Variants in BABAM2 observed in about 807,000 individuals in gnomAD.
BABAM2 encodes BRISC and BRCA1 A complex member 2.
A neutral mutation model predicts 54.7 loss-of-function variants in BABAM2; 31 were observed. The ratio of observed to expected loss-of-function variants is 0.57; its 90% CI spans 0.43 to 0.77. The LOEUF (loss-of-function observed/expected upper bound fraction) is 0.77, where lower values mean the gene tolerates loss of function less well. Ranked by LOEUF, BABAM2 falls within the 30% of genes least tolerant of loss-of-function variation. The pLI is 0.00. For synonymous variants in BABAM2, 167 were observed against 162.9 expected (o/e 1.03, Z -0.19); for missense variants, 364 against 455.8 (o/e 0.80, Z 1.83).
chr2:27,890,754 C>G lies in BABAM2; in HGVS notation c.-113C>G, dbSNP rs1350035145. ...GAGTGCGCACGCATCCTGCCCGCGG[C>G]GCGCGCGCAGGTCGGTGCGTCTGTC... On this transcript the variant is annotated 5_prime_UTR_variant, in exon 1 of 12. Transcript: ENST00000379624. The surrounding 1 kb of genome is among the most constrained non-coding windows in gnomAD (Gnocchi z 4.8). 1 of 152,930 alleles carries G rather than the reference C, an allele frequency of 6.5e-6. No homozygotes were observed. The highest frequency in any genetic ancestry group is 1.5e-5 in the Non-Finnish European group (1 of 68,460). The allele number at this position is 152,930 out of a possible 1,614,324, so 9.5% of individuals were successfully genotyped here.
intron 11 of BABAM2, among the ~76,000 whole-genome samples, chr2:28,335,272 C>T (rs1242176698): frequency 1.3e-5 from 2 of 149,746 alleles, no homozygotes; most frequent in East Asian, 4.0e-4. Context: ...CGGGTTCAAG[C>T]GATTCTCCTG....
intron 2 of BABAM2, among the ~76,000 whole-genome samples, chr2:27,897,719 C>G (rs867553559): frequency 6.6e-6 from 1 of 151,874 alleles, no homozygotes; most frequent in Admixed American, 6.6e-5. Flanking sequence ...ACAGACTTCC[C>G]CAGCTTATAA....
intron 7 of BABAM2, among the ~76,000 whole-genome samples, chr2:28,230,290 G>A (rs1486437155): frequency 1.3e-5 from 2 of 151,946 alleles, no homozygotes; most frequent in African/African-American, 2.4e-5. Flanking sequence ...TCTCCATATT[G>A]AATTACACCC....
At chr2:28,241,706 G>A (rs1682450778) in intron 9 of BABAM2, among the ~76,000 whole-genome samples, 2 of 151,968 alleles carry the variant, frequency 1.3e-5, no homozygotes, top group Admixed American at 1.3e-4. Context: ...TGTTGTCCAG[G>A]CTGGTCTCAA....
intron 5 of BABAM2, among the ~76,000 whole-genome samples, chr2:28,040,110 A>C (rs1676951973): frequency 6.6e-6 from 1 of 152,030 alleles, no homozygotes; most frequent in Non-Finnish European, 1.5e-5. Flanking sequence ...TCAAATATAA[A>C]ACCACATGAA....
At chr2:27,951,720 C>G (rs1006298756) in intron 3 of BABAM2, among the ~76,000 whole-genome samples, 1 of 151,418 alleles carries the variant, frequency 6.6e-6, no homozygotes, top group Non-Finnish European at 1.5e-5. Context: ...TTTATTTTTC[C>G]GTAGGTTATT....
chr2:28,298,659 G>A (rs1253865596), intron 11 of BABAM2, among the ~76,000 whole-genome samples, 168 bp downstream of exon 11: 3 of 152,174 alleles, frequency 2.0e-5, no homozygotes, highest in Non-Finnish European at 2.9e-5. Context: ...ATCTGTGGCC[G>A]CTTTAATGCT....
At chr2:28,061,357 G>T (rs150293561) in intron 6 of BABAM2, among the ~76,000 whole-genome samples, 4,531 of 151,416 alleles carry the variant, frequency 0.03, 102 homozygotes, top group Admixed American at 0.05. Flanking sequence ...AGGCCGAGGC[G>T]GGCAGATCAC....
At chr2:28,186,672 GGAAA>G (rs1363207620) in intron 7 of BABAM2, among the ~76,000 whole-genome samples, 2 of 151,964 alleles carry the variant, frequency 1.3e-5, no homozygotes, top group Non-Finnish European at 2.9e-5. Flanking sequence ...GAAAGGAAAA[GGAAA>G]GAAAGAAGGA....
At chr2:27,955,587 C>T (rs577997257) in intron 3 of BABAM2, among the ~76,000 whole-genome samples, 21 of 152,264 alleles carry the variant, frequency 1.4e-4, no homozygotes, top group African/African-American at 5.1e-4. Context: ...TGGAAGTTTC[C>T]TCCCCATTGC....
chr2:28,201,759 T>C (rs1678295596), intron 7 of BABAM2, among the ~76,000 whole-genome samples: 1 of 152,194 alleles, frequency 6.6e-6, no homozygotes, highest in Non-Finnish European at 1.5e-5. Flanking sequence ...AGAGATTTCT[T>C]AAGTCTTAAG....
chr2:28,338,452 C>T lies in BABAM2; in HGVS notation c.1091C>T (p.Ala364Val). ...TTTCTCCCCTTCTTTCCCACCAGGG[C>T]TTATTTCAAAACCTTTGTCCCTCAG... Reference protein sequence around the residue: ...DGNEMAKRAKAYFKTFVPQFQ... With the variant: ...DGNEMAKRAKVYFKTFVPQFQ... Residue 364 changes from alanine (A) to valine (V), a missense_variant and splice_region_variant, in exon 12 of 12, where the codon GCT (alanine) becomes GTT (valine). Transcript: ENST00000379624. 1 of 1,614,074 alleles carries T rather than the reference C, an allele frequency of 6.2e-7. No homozygotes were observed. The highest frequency in any genetic ancestry group is 8.5e-7 in the Non-Finnish European group (1 of 1,179,918).
intron 3 of BABAM2, among the ~76,000 whole-genome samples, chr2:27,971,865 TAAC>T (rs1214161601): frequency 4.6e-5 from 7 of 152,168 alleles, no homozygotes; most frequent in African/African-American, 1.4e-4. Context: ...AAAGAGTTGA[TAAC>T]AAATTGCAGT....
intron 7 of BABAM2, among the ~76,000 whole-genome samples, chr2:28,165,474 G>A (rs1028724780): frequency 7.4e-6 from 1 of 134,974 alleles, no homozygotes. Context: ...TCTGGAGTAT[G>A]TCTTAGAGAA....
chr2:28,028,722 T>A lies in BABAM2; in HGVS notation c.495+3302T>A, dbSNP rs572799683. On this transcript the variant is annotated intron_variant, in intron 5 of 11. Transcript: ENST00000379624. ...TTCTTTTAGGTTTCCCTGTCTTTTT[T>A]AGGCTAAATAACACTCCGGCTTTTA... is the stretch of plus-strand genomic sequence containing the variant. 3.9e-5 allele frequency among the ~76,000 whole-genome samples: 6 copies of A among 152,334 alleles called. No individual in the cohort carries two copies. The South Asian group carries it at 1.2e-3, about 32-fold the overall frequency.
chr2:28,227,086 A>G (rs1680955529), intron 7 of BABAM2, among the ~76,000 whole-genome samples: 2 of 152,124 alleles, frequency 1.3e-5, no homozygotes, highest in Admixed American at 1.3e-4. Flanking sequence ...TTGTTAGTTT[A>G]AAGGAGAAAT....
chr2:27,973,723 G>C (rs889370561), intron 3 of BABAM2, among the ~76,000 whole-genome samples: 1 of 152,148 alleles, frequency 6.6e-6, no homozygotes, highest in Admixed American at 6.5e-5. Context: ...TTATCCTTGA[G>C]CTTCACACAT....
At chr2:27,994,477 A>G (rs949764228) in intron 4 of BABAM2, among the ~76,000 whole-genome samples, 1 of 152,178 alleles carries the variant, frequency 6.6e-6, no homozygotes, top group Non-Finnish European at 1.5e-5. Context: ...TTCCATCACT[A>G]TGACCACCTT....
chr2:28,051,680 C>T (rs532697757), intron 6 of BABAM2, among the ~76,000 whole-genome samples: 33 of 151,600 alleles, frequency 2.2e-4, no homozygotes, highest in Admixed American at 1.1e-3. Flanking sequence ...CAGAGTTTTG[C>T]TCTTGTCGCC....
Sources: allele counts gnomAD v4.1 joint callset (sites outside exome capture counted in the v4.1 genomes callset), GRCh38; gene constraint gnomAD v4.1.1; non-coding constraint Gnocchi (gnomAD v3.1); transcripts MANE v1.5; gene names NCBI Gene and HGNC (gene_info 2026-07-23, HGNC 2026-07-21).